The following SDK2 variants were observed in gnomAD, a reference collection of about 807,000 sequenced individuals.
The protein encoded by SDK2 is protein sidekick-2.
SDK2 carries 105 observed loss-of-function variants against 253.9 expected under a neutral mutation model. The observed-to-expected ratio is 0.41, with a 90% confidence interval of 0.35 to 0.49. The LOEUF is 0.49. Among genes scored for constraint, SDK2 ranks in the 20% least tolerant of loss-of-function variants. The pLI, the probability that SDK2 is intolerant of heterozygous loss-of-function variation, is 0.06. For synonymous variants in SDK2, 1,249 were observed against 1,234.9 expected (o/e 1.01, Z -0.24); for missense variants, 2,608 against 3,003.0 (o/e 0.87, Z 3.07).
At chr17:73,607,260 T>C (rs1018507898) in intron 1 of SDK2, among the ~76,000 whole-genome samples, 5 of 152,308 alleles carry the variant, frequency 3.3e-5, no homozygotes, top group South Asian at 2.1e-4. Context: ...GAAGAGGCCC[T>C]AGCAGGCAGC....
intron 18 of SDK2, among the ~76,000 whole-genome samples, chr17:73,403,872 T>A (rs2063049254): frequency 6.6e-6 from 1 of 152,228 alleles, no homozygotes; most frequent in Non-Finnish European, 1.5e-5. Context: ...CCGAACTTCT[T>A]TGGAGTAGAT....
At chr17:73,516,309 G>A (rs1171693279) in intron 1 of SDK2, among the ~76,000 whole-genome samples, 1 of 152,212 alleles carries the variant, frequency 6.6e-6, no homozygotes, top group Non-Finnish European at 1.5e-5. Flanking sequence ...GGTGCCGAGG[G>A]CCCAGGAGGA....
chr17:73,343,341 G>A (rs1350530625), intron 44 of SDK2, among the ~76,000 whole-genome samples: 1 of 152,256 alleles, frequency 6.6e-6, no homozygotes, highest in Admixed American at 6.5e-5. Flanking sequence ...CAAAGCCAAG[G>A]CAGGAGGGCT....
chr17:73,476,960 C>G (rs1599603024), intron 2 of SDK2, among the ~76,000 whole-genome samples: 1 of 152,206 alleles, frequency 6.6e-6, no homozygotes. Context: ...TTTGGGCTGT[C>G]TCTTTGGTGC....
intron 1 of SDK2, among the ~76,000 whole-genome samples, chr17:73,615,857 T>C (rs2046046778): frequency 6.6e-6 from 1 of 151,888 alleles, no homozygotes; most frequent in African/African-American, 2.4e-5. Context: ...CACAATAACA[T>C]ACAACACATA....
intron 36 of SDK2, among the ~76,000 whole-genome samples, chr17:73,372,422 T>C (rs985923778): frequency 1.3e-5 from 2 of 152,264 alleles, no homozygotes; most frequent in African/African-American, 4.8e-5. Flanking sequence ...GGCACATCCA[T>C]GGTCCTCAAT....
chr17:73,593,159 C>A (rs547898901), intron 1 of SDK2, among the ~76,000 whole-genome samples: 1 of 152,262 alleles, frequency 6.6e-6, no homozygotes, highest in Admixed American at 6.5e-5. Context: ...AGGCTGGGTA[C>A]CCCACCCCAC....
Position 73,553,558 on chromosome 17 carries a change from A to G in SDK2, c.65-45961T>C, listed in dbSNP as rs116118697. On this transcript the variant is annotated intron_variant, in intron 1 of 44. Coordinates refer to ENST00000392650, the MANE Select transcript of SDK2 (RefSeq NM_001144952.2). ...GAGCTGCCCTCTCAGAAGCCAGGAT[A>G]GCACAAGGAAGGACAGGGGGGGACA... 3.2e-3 allele frequency among the ~76,000 whole-genome samples: 494 copies of G among 152,240 alleles called. 3 individuals carry two copies. Among genetic ancestry groups the G allele is most frequent in the African/African-American group, 0.012 (482 of 41,562 alleles).
At chr17:73,604,338 C>T (rs1163773182) in intron 1 of SDK2, among the ~76,000 whole-genome samples, 5 of 152,212 alleles carry the variant, frequency 3.3e-5, no homozygotes, top group African/African-American at 7.2e-5. Flanking sequence ...CCTTGTCCTT[C>T]GCATCATCTC....
In SDK2 at chr17:73,612,788, G is replaced by A. The variant is rs1005825700; in HGVS notation, c.64+31237C>T. Among the ~76,000 whole-genome samples the A allele has an allele frequency of 2.0e-5, 3 of 152,062 alleles. No homozygotes were observed. The highest frequency in any genetic ancestry group is 6.5e-5 in the Admixed American group (1 of 15,276). On this transcript the variant is annotated intron_variant, in intron 1 of 44. Transcript: ENST00000392650. This position sits in a 1 kb window ranked among gnomAD's most constrained non-coding sequence, Gnocchi z 4.4. ...AAAAATTAGCTGTACCTGGTGGTGC[G>A]CACCTGTAGTCCCAGCTACTCAGGA... is the stretch of plus-strand genomic sequence containing the variant.
intron 6 of SDK2, among the ~76,000 whole-genome samples, chr17:73,439,157 CTT>C (rs911590032): frequency 1.3e-5 from 2 of 152,146 alleles, no homozygotes; most frequent in African/African-American, 4.8e-5. Flanking sequence ...TCCCCTCTCT[CTT>C]GTTCCCTCTC....
chr17:73,366,104 C>T (rs565178472), intron 37 of SDK2, among the ~76,000 whole-genome samples: 148 of 152,294 alleles, frequency 9.7e-4, no homozygotes, highest in African/African-American at 3.4e-3. Flanking sequence ...TATTATTGTC[C>T]GGCGCTGCCT....
chr17:73,445,236 A>G (rs1236299476), intron 5 of SDK2, among the ~76,000 whole-genome samples: 3 of 152,262 alleles, frequency 2.0e-5, no homozygotes, highest in Admixed American at 2.0e-4. Flanking sequence ...CATTGATTGT[A>G]TGTTAAAAAG....
intron 1 of SDK2, among the ~76,000 whole-genome samples, chr17:73,615,234 A>C (rs898146771): frequency 6.6e-6 from 1 of 152,216 alleles, no homozygotes; most frequent in African/African-American, 2.4e-5. Flanking sequence ...CATTGACTTT[A>C]ACGTTCTGCT....
At chr17:73,364,227 G>A (rs1052506514) in intron 38 of SDK2, among the ~76,000 whole-genome samples, 9 of 152,190 alleles carry the variant, frequency 5.9e-5, no homozygotes, top group Non-Finnish European at 1.3e-4. Flanking sequence ...CATGTTACCA[G>A]GGGTAGAAAG....
At chr17:73,498,757 C>T (rs1313883041) in intron 2 of SDK2, among the ~76,000 whole-genome samples, 2 of 152,138 alleles carry the variant, frequency 1.3e-5, no homozygotes, top group Non-Finnish European at 2.9e-5. Context: ...GGTAGGTGAT[C>T]GTTTGGAGTG....
At chr17:73,582,168 C>T (rs1372598856) in intron 1 of SDK2, among the ~76,000 whole-genome samples, 6 of 152,140 alleles carry the variant, frequency 3.9e-5, no homozygotes, top group Admixed American at 2.0e-4. Context: ...GCGCTCACCA[C>T]GCAGGCATCA....
intron 37 of SDK2, among the ~76,000 whole-genome samples, chr17:73,366,725 G>T (rs1315510988): frequency 6.6e-6 from 1 of 152,122 alleles, no homozygotes; most frequent in Non-Finnish European, 1.5e-5. Context: ...TGAGATGAGG[G>T]TGCTGCCTGC....
intron 36 of SDK2, among the ~76,000 whole-genome samples, chr17:73,375,631 G>A (rs182833863): frequency 3.9e-4 from 59 of 152,268 alleles, no homozygotes; most frequent in African/African-American, 1.2e-3. Flanking sequence ...GACCGAGGGC[G>A]GATCACCTGG....
Sources: gnomAD v4.1 joint callset for allele counts (sites outside exome capture counted in the v4.1 genomes callset) on GRCh38, gnomAD v4.1.1 for gene constraint, Gnocchi (gnomAD v3.1) non-coding constraint, MANE v1.5 for transcripts, NCBI Gene and HGNC (gene_info 2026-07-23, HGNC 2026-07-21) for gene names.